Variants in ZNF385D observed in about 807,000 individuals in gnomAD.
ZNF385D encodes zinc finger protein 385D.
ZNF385D carries 15 observed loss-of-function variants against 35.8 expected under a neutral mutation model. The ratio of observed to expected loss-of-function variants is 0.42; its 90% CI spans 0.28 to 0.64. The LOEUF (loss-of-function observed/expected upper bound fraction) is 0.64. Among genes scored for constraint, ZNF385D ranks in the 30% least tolerant of loss-of-function variants. ZNF385D has a pLI of 0.23. For missense variants in ZNF385D, 474 were observed against 494.6 expected (o/e 0.96, Z 0.39); for synonymous variants, 212 against 186.8 (o/e 1.13, Z -1.10).
At chr3:21,768,728 T>C (rs983143871) in intron 3 of ZNF385D, among the ~76,000 whole-genome samples, 1 of 151,960 alleles carries the variant, frequency 6.6e-6, no homozygotes, top group Non-Finnish European at 1.5e-5. Context: ...AAGAGGTGGG[T>C]AGTTACTGCT....
At chr3:22,193,942 A>C (rs752925025) in intron 2 of ZNF385D, among the ~76,000 whole-genome samples, 2 of 151,964 alleles carry the variant, frequency 1.3e-5, no homozygotes, top group East Asian at 3.8e-4. Context: ...AGCATTAGGT[A>C]GTGCATTTTT....
At position 22,261,244 on chromosome 3, in the gene ZNF385D, G is replaced by C. The variant is rs576899688; in HGVS notation, c.107-92209C>G. 7.9e-5 allele frequency among the ~76,000 whole-genome samples: 12 copies of C among 152,020 alleles called. No individual in the cohort carries two copies. The East Asian group carries it at 2.1e-3, about 27-fold the overall frequency. On this transcript the variant is annotated intron_variant, in intron 2 of 5. Transcript: ENST00000494108. ...CCAGACCTCGGGATATATTCAAGTAGTAGGAGGAGACAGAGAACCAGCTAG... is the reference window on the plus strand; with the variant it reads ...CCAGACCTCGGGATATATTCAAGTACTAGGAGGAGACAGAGAACCAGCTAG...
chr3:22,122,896 G>T (rs1703171417), intron 3 of ZNF385D, among the ~76,000 whole-genome samples: 1 of 152,158 alleles, frequency 6.6e-6, no homozygotes, highest in Admixed American at 6.6e-5. Flanking sequence ...AAGCAGTATG[G>T]GTGAACGCCA....
intron 2 of ZNF385D, among the ~76,000 whole-genome samples, chr3:21,626,704 G>C (rs1430952845): frequency 1.3e-5 from 2 of 152,052 alleles, no homozygotes; most frequent in East Asian, 3.9e-4. Flanking sequence ...TGAATGTGAT[G>C]GGAAGTGCAA....
chr3:21,972,166 C>A (rs1350155426), intron 3 of ZNF385D, among the ~76,000 whole-genome samples: 2 of 151,956 alleles, frequency 1.3e-5, no homozygotes, highest in East Asian at 3.8e-4. Context: ...TTTTTCTCAG[C>A]ATATGAATCA....
At chr3:21,462,295 C>T (rs898787908) in intron 4 of ZNF385D, among the ~76,000 whole-genome samples, 1 of 151,932 alleles carries the variant, frequency 6.6e-6, no homozygotes, top group African/African-American at 2.4e-5. Flanking sequence ...AGAATTTTGT[C>T]TCCAGAATTT....
intron 3 of ZNF385D, among the ~76,000 whole-genome samples, chr3:21,913,460 A>G (rs938071757): frequency 6.6e-6 from 1 of 152,110 alleles, no homozygotes; most frequent in Non-Finnish European, 1.5e-5. Context: ...ACTCGAAAGC[A>G]TTTACTGAAT....
At chr3:22,314,031 C>T (rs1703744103) in intron 2 of ZNF385D, among the ~76,000 whole-genome samples, 1 of 152,164 alleles carries the variant, frequency 6.6e-6, no homozygotes, top group Non-Finnish European at 1.5e-5. Context: ...GTGCTTCTCA[C>T]TCTGAGTTAC....
intron 2 of ZNF385D, among the ~76,000 whole-genome samples, chr3:22,307,006 C>T (rs1276710269): frequency 1.3e-5 from 2 of 152,160 alleles, no homozygotes; most frequent in African/African-American, 4.8e-5. Flanking sequence ...TAACATAATA[C>T]CCCATTGATG....
At chr3:21,484,925 CAAAAT>C (rs1056708500) in intron 4 of ZNF385D, among the ~76,000 whole-genome samples, 29 of 152,160 alleles carry the variant, frequency 1.9e-4, no homozygotes, top group African/African-American at 7.0e-4. Flanking sequence ...GCAAACAAAA[CAAAAT>C]AAAGGAAACA....
chr3:21,584,872 T>C (rs984838126), intron 2 of ZNF385D, among the ~76,000 whole-genome samples: 1 of 152,180 alleles, frequency 6.6e-6, no homozygotes, highest in African/African-American at 2.4e-5. Flanking sequence ...TTCCATGCAC[T>C]TCATGTACCC....
At chr3:21,502,417 G>T (rs1706446771) in intron 4 of ZNF385D, among the ~76,000 whole-genome samples, 1 of 152,048 alleles carries the variant, frequency 6.6e-6, no homozygotes, top group Non-Finnish European at 1.5e-5. Context: ...CTCCCTGCAG[G>T]ATACATACAT....
rs60635259 is a variant in ZNF385D at position 21,964,412 on chromosome 3, T to TAAAAAAAAAA, written c.325+204395_325+204404dup. Among the ~76,000 whole-genome samples, 197 of 71,458 alleles carry TAAAAAAAAAA rather than the reference T, an allele frequency of 2.8e-3. 2 individuals carry two copies. The highest frequency in any genetic ancestry group is 3.9e-3 in the Non-Finnish European group (140 of 36,298). 46.9% of individuals were successfully genotyped at this position (71,458 alleles called of 152,430 possible). On this transcript the variant is annotated intron_variant, in intron 3 of 5. Transcript: ENST00000494108. ...CTGGCTCTACAGTTGGTCCTTTTTG[T>TAAAAAAAAAA]AAAAAAAAAAAAAAAAAAAAGAAAA... is the stretch of plus-strand genomic sequence containing the variant.
intron 2 of ZNF385D, among the ~76,000 whole-genome samples, chr3:22,169,347 T>A (rs1706536425): frequency 6.6e-6 from 1 of 152,182 alleles, no homozygotes; most frequent in Non-Finnish European, 1.5e-5. Flanking sequence ...AAACTAAGTT[T>A]TAGAATGATT....
chr3:21,542,432 C>A (rs183430717), intron 3 of ZNF385D, among the ~76,000 whole-genome samples: 3 of 151,458 alleles, frequency 2.0e-5, no homozygotes, highest in Admixed American at 2.0e-4. Flanking sequence ...ATTGCAACCT[C>A]GAACCGCTGG....
chr3:21,798,857 A>G (rs1205916534), intron 3 of ZNF385D, among the ~76,000 whole-genome samples: 3 of 152,160 alleles, frequency 2.0e-5, no homozygotes, highest in Non-Finnish European at 4.4e-5. Flanking sequence ...ATTCAGTAGC[A>G]TTTACTAAAT....
intron 3 of ZNF385D, among the ~76,000 whole-genome samples, chr3:21,980,517 T>A (rs1694372035): frequency 6.6e-6 from 1 of 152,176 alleles, no homozygotes; most frequent in Non-Finnish European, 1.5e-5. Context: ...ATGAACCACA[T>A]GAAATTGCTG....
chr3:22,001,754 C>G (rs574154287), intron 3 of ZNF385D, among the ~76,000 whole-genome samples: 1 of 148,712 alleles, frequency 6.7e-6, no homozygotes, highest in African/African-American at 2.5e-5. Flanking sequence ...AAAAAAAAAT[C>G]TAAATCCTAT....
At chr3:21,956,540 C>T (rs1042218164) in intron 3 of ZNF385D, among the ~76,000 whole-genome samples, 2 of 151,918 alleles carry the variant, frequency 1.3e-5, no homozygotes, top group African/African-American at 4.8e-5. Flanking sequence ...TTGCATTATA[C>T]TTAGCTTTTC....
Sources: gnomAD v4.1 joint callset for allele counts (sites outside exome capture counted in the v4.1 genomes callset) on GRCh38, gnomAD v4.1.1 for gene constraint, MANE v1.5 for transcripts, NCBI Gene and HGNC (gene_info 2026-07-23, HGNC 2026-07-21) for gene names.